The following MAP4K3 variants were observed in gnomAD, a reference collection of about 807,000 sequenced individuals.
The protein encoded by MAP4K3 is MAPK/ERK kinase kinase kinase 3.
In MAP4K3, 94 loss-of-function variants were observed where a neutral mutation model predicts 143.5. The observed-to-expected ratio is 0.65, with a 90% CI of 0.55 to 0.78. The LOEUF is 0.78. MAP4K3 is among the 30% of genes least tolerant of loss of function. The pLI is 0.00. For synonymous variants in MAP4K3, 416 were observed against 347.2 expected (o/e 1.20, Z -2.20); for missense variants, 1,077 against 1,068.1 (o/e 1.01, Z -0.12).
chr2:39,271,049 G>A (rs1573077320), intron 26 of MAP4K3, among the ~76,000 whole-genome samples: 1 of 151,890 alleles, frequency 6.6e-6, no homozygotes, highest in Non-Finnish European at 1.5e-5. Flanking sequence ...CATGGGGAAA[G>A]GTTGTATAAT....
Position 39,326,259 on chromosome 2 carries a change from T to G in MAP4K3, c.549A>C (p.Ala183=). ...GTPYWMAPEV[A]AVERKGGYNQ... Reference sequence around the variant, plus strand: ...TGTAACCCCCCTTCCTCTCAACAGCTGCAACTTCTGGAGCCATCCTGAAAT... The same window carrying G: ...TGTAACCCCCCTTCCTCTCAACAGCGGCAACTTCTGGAGCCATCCTGAAAT... The change falls in exon 9 of 34, where the codon GCA becomes GCC. Residue 183 remains alanine (A), a synonymous_variant. Transcript: ENST00000263881. The G allele has an allele frequency of 6.2e-7, 1 of 1,613,864 alleles. No individual in the cohort carries two copies. The highest frequency in any genetic ancestry group is 8.5e-7 in the Non-Finnish European group (1 of 1,179,874).
chr2:39,400,557 T>C (rs1041026508), intron 1 of MAP4K3, among the ~76,000 whole-genome samples: 2 of 152,250 alleles, frequency 1.3e-5, no homozygotes, highest in East Asian at 3.9e-4. Flanking sequence ...TGTTCCTCCT[T>C]ATTATTTACA....
Position 39,369,990 on chromosome 2 carries a change from T to A in MAP4K3, c.154+8076A>T, listed in dbSNP as rs141468151. Among the ~76,000 whole-genome samples, 93 of 152,324 alleles carry A rather than the reference T, an allele frequency of 6.1e-4. 2 individuals are homozygous for A. In the East Asian group the frequency reaches 0.017, roughly 28 times the overall value. ...TTACATAAACATTCTAGTTTTCACATTGGATAACAAGTTACTGGAAGGCAG... is the reference window on the plus strand; with the variant it reads ...TTACATAAACATTCTAGTTTTCACAATGGATAACAAGTTACTGGAAGGCAG... On this transcript the variant is annotated intron_variant, in intron 2 of 33. Transcript: ENST00000263881.
At chr2:39,326,828 C>T (rs897207840) in intron 8 of MAP4K3, among the ~76,000 whole-genome samples, 5 of 152,082 alleles carry the variant, frequency 3.3e-5, no homozygotes, top group Non-Finnish European at 5.9e-5. Flanking sequence ...TTAAAAGTGG[C>T]CGTTTCCCGA....
At chr2:39,355,312 G>C (rs1047377606) in intron 3 of MAP4K3, among the ~76,000 whole-genome samples, 4 of 123,208 alleles carry the variant, frequency 3.2e-5, no homozygotes, top group African/African-American at 6.4e-5. Flanking sequence ...GGTGAGCCGA[G>C]ATCACACCAC....
At chr2:39,304,013 T>C (rs1355717136) in intron 15 of MAP4K3, among the ~76,000 whole-genome samples, 5 of 152,350 alleles carry the variant, frequency 3.3e-5, no homozygotes, top group Middle Eastern at 6.8e-3. Context: ...CTGATTTTTA[T>C]GGTTATGGGC....
chr2:39,333,465 G>A, intron 7 of MAP4K3, 67 bp downstream of exon 7: 1 of 1,271,168 alleles, frequency 7.9e-7, no homozygotes, highest in Non-Finnish European at 1.1e-6. Flanking sequence ...GTCCTACAAA[G>A]GAAAACATAA....
chr2:39,321,872 G>A (rs774137184), intron 12 of MAP4K3, among the ~76,000 whole-genome samples: 2 of 152,176 alleles, frequency 1.3e-5, no homozygotes, highest in Admixed American at 6.5e-5. Context: ...CACTGTTCAC[G>A]TGTTTGTCTG....
At chr2:39,311,247 T>A (rs1682927512) in intron 13 of MAP4K3, among the ~76,000 whole-genome samples, 1 of 152,024 alleles carries the variant, frequency 6.6e-6, no homozygotes, top group African/African-American at 2.4e-5. Flanking sequence ...CTAGCTAAGT[T>A]TTTGTATTTT....
chr2:39,309,548 A>ATTTTTTTT lies in MAP4K3; in HGVS notation c.998-37_998-30dup, dbSNP rs749101883. 63 of 339,364 alleles carry ATTTTTTTT rather than the reference A, an allele frequency of 1.9e-4. 1 individual carries two copies. The highest frequency in any genetic ancestry group is 4.6e-4 in the South Asian group (18 of 39,114). 21.0% of individuals were successfully genotyped at this position (339,364 alleles called of 1,614,324 possible). A position where few individuals can be genotyped will look rare whatever the true frequency, so the allele number is the denominator to read the frequency against. Reference sequence around the variant, plus strand: ...AAAAAGAAAAAAAAGTAAAACCAGGATTTTTTTTTTTTTTTTTTTTTTTTT... The same window carrying ATTTTTTTT: ...AAAAAGAAAAAAAAGTAAAACCAGGATTTTTTTTTTTTTTTTTTTTTTTTTTTTTTTTT... On this transcript the variant is annotated intron_variant, in intron 13 of 33. Transcript: ENST00000263881.
At chr2:39,262,483 C>T (rs929292291) in intron 28 of MAP4K3, among the ~76,000 whole-genome samples, 7 of 151,744 alleles carry the variant, frequency 4.6e-5, no homozygotes, top group African/African-American at 7.3e-5. Flanking sequence ...TAAAGAGCAA[C>T]GAAGCAGAAA....
intron 1 of MAP4K3, among the ~76,000 whole-genome samples, chr2:39,417,215 CTTT>C (rs1243263619): frequency 2.2e-5 from 3 of 133,792 alleles, no homozygotes; most frequent in Non-Finnish European, 1.6e-5. Flanking sequence ...GGTTTCTTTT[CTTT>C]TTTTTTTTTT....
chr2:39,272,175 A>T, intron 26 of MAP4K3, 108 bp downstream of exon 26: 3 of 792,518 alleles, frequency 3.8e-6, no homozygotes, highest in African/African-American at 1.7e-5. Flanking sequence ...TTATTTTTTC[A>T]TCATGATTTT....
At chr2:39,433,348 C>T (rs1404552794) in intron 1 of MAP4K3, among the ~76,000 whole-genome samples, 2 of 152,180 alleles carry the variant, frequency 1.3e-5, no homozygotes, top group Non-Finnish European at 2.9e-5. Context: ...CTTCTTTTGC[C>T]TTATCCCATC....
At chr2:39,281,264 G>T (rs563669905) in intron 22 of MAP4K3, among the ~76,000 whole-genome samples, 2 of 152,146 alleles carry the variant, frequency 1.3e-5, no homozygotes, top group African/African-American at 2.4e-5. Context: ...CATACTGAAC[G>T]AAAACATCAC....
chr2:39,393,760 T>C (rs1332210398), intron 1 of MAP4K3, among the ~76,000 whole-genome samples: 3 of 152,130 alleles, frequency 2.0e-5, no homozygotes, highest in African/African-American at 4.8e-5. Flanking sequence ...CCCTTGAGTG[T>C]ACCAAAATCC....
At chr2:39,380,319 G>C (rs1288308823) in intron 1 of MAP4K3, among the ~76,000 whole-genome samples, 1 of 152,008 alleles carries the variant, frequency 6.6e-6, no homozygotes, top group Non-Finnish European at 1.5e-5. Context: ...GGTCTTTAAA[G>C]CTTTATGATT....
intron 23 of MAP4K3, 49 bp from the exon 24 acceptor site, chr2:39,278,535 T>A (rs750106342): frequency 8.5e-5 from 86 of 1,010,018 alleles, no homozygotes; most frequent in Middle Eastern, 4.9e-4. Flanking sequence ...AAAATATTTT[T>A]AAATAGGATT....
intron 31 of MAP4K3, among the ~76,000 whole-genome samples, chr2:39,258,032 A>G (rs578009300): frequency 6.6e-6 from 1 of 151,944 alleles, no homozygotes; most frequent in South Asian, 2.1e-4. Context: ...CCCAGGTTCA[A>G]GTGATTCTCA....
Sources: gnomAD v4.1 joint callset for allele counts (sites outside exome capture counted in the v4.1 genomes callset) on GRCh38, gnomAD v4.1.1 for gene constraint, MANE v1.5 for transcripts, NCBI Gene and HGNC (gene_info 2026-07-23, HGNC 2026-07-21) for gene names.